ARHGEF11: variants seen among roughly 807,000 people sequenced by gnomAD.
ARHGEF11 encodes Rho guanine exchange factor (GEF) 11.
In ARHGEF11, 55 loss-of-function variants were observed where a neutral mutation model predicts 193.7. The ratio of observed to expected loss-of-function variants is 0.28; its 90% confidence interval spans 0.23 to 0.36. ARHGEF11 has a LOEUF of 0.36. Ranked by LOEUF, ARHGEF11 falls within the 10% of genes least tolerant of loss-of-function variation. ARHGEF11 has a pLI of 1.00. For missense variants in ARHGEF11, 1,723 were observed against 2,005.6 expected, an observed-to-expected ratio of 0.86 and a Z score of 2.69; for synonymous variants, 693 against 768.0, an observed-to-expected ratio of 0.90 and a Z score of 1.62.
chr1:157,000,229 C>G (rs769072800), intron 1 of ARHGEF11, among the ~76,000 whole-genome samples: 2 of 152,212 alleles, frequency 1.3e-5, no homozygotes, highest in African/African-American at 2.4e-5. Flanking sequence ...TCCCAAAGTG[C>G]TTGGATTATA....
chr1:157,033,823 G>A (rs1310658064), intron 1 of ARHGEF11, among the ~76,000 whole-genome samples: 2 of 151,874 alleles, frequency 1.3e-5, no homozygotes, highest in African/African-American at 4.8e-5. Flanking sequence ...TTTATTTTTT[G>A]GCCTCAATGT....
chr1:157,025,800 C>T (rs950618000), intron 1 of ARHGEF11, among the ~76,000 whole-genome samples: 14 of 152,082 alleles, frequency 9.2e-5, no homozygotes, highest in African/African-American at 3.4e-4. Context: ...TATGGGAACC[C>T]AGGCAGAAGG....
chr1:157,036,164 T>C (rs972228850), intron 1 of ARHGEF11, among the ~76,000 whole-genome samples: 16 of 141,298 alleles, frequency 1.1e-4, no homozygotes, highest in South Asian at 6.7e-4. Context: ...TATATGAATA[T>C]ATATATGAAT....
In ARHGEF11 at chr1:156,976,979, T is replaced by C; in HGVS notation, c.582+4A>G. ...GGCCAGTCTACCCTTGGCAGTGACC[T>C]TACCTGTAATTCTTTTTCTTCCTGC... On this transcript the variant is annotated splice_donor_region_variant and intron_variant, in intron 7 of 40. Transcript: ENST00000368194. The C allele has an allele frequency of 6.2e-7, 1 of 1,613,816 alleles. No homozygotes were observed. The highest frequency in any genetic ancestry group is 8.5e-7 in the Non-Finnish European group (1 of 1,179,706).
intron 1 of ARHGEF11, among the ~76,000 whole-genome samples, chr1:157,021,427 A>C (rs1284516093): frequency 6.6e-6 from 1 of 152,210 alleles, no homozygotes; most frequent in East Asian, 1.9e-4. Context: ...TCAAAATAAT[A>C]ACCATCAAGG....
intron 1 of ARHGEF11, among the ~76,000 whole-genome samples, chr1:157,040,620 C>G (rs1672620695): frequency 6.6e-6 from 1 of 152,174 alleles, no homozygotes; most frequent in African/African-American, 2.4e-5. Context: ...AAAAATACTC[C>G]TTCCTCCTGA....
chr1:156,945,260 C>T, intron 29 of ARHGEF11, 63 bp from the exon 30 acceptor site: 2 of 1,544,154 alleles, frequency 1.3e-6, no homozygotes, highest in Non-Finnish European at 1.8e-6. Flanking sequence ...ATGGCGCCAG[C>T]TGTTATCTGC....
chr1:157,041,788 C>T (rs1245593402), intron 1 of ARHGEF11, among the ~76,000 whole-genome samples: 1 of 152,192 alleles, frequency 6.6e-6, no homozygotes, highest in African/African-American at 2.4e-5. Context: ...GAGGGGCTTA[C>T]AGTCTGGTGT....
At chr1:157,005,179 G>A (rs954538737) in intron 1 of ARHGEF11, among the ~76,000 whole-genome samples, 1 of 152,130 alleles carries the variant, frequency 6.6e-6, no homozygotes, top group Non-Finnish European at 1.5e-5. Context: ...CTGTGTTACT[G>A]CCCGTTGCTT....
chr1:157,007,389 T>C (rs1409412), intron 1 of ARHGEF11, among the ~76,000 whole-genome samples: 148,427 of 152,118 alleles, frequency 0.98, 72,526 homozygotes, highest in Middle Eastern at 1. Context: ...CAGATCGTCT[T>C]AGGGGTTGGT....
chr1:156,946,524 G>A, intron 28 of ARHGEF11, 138 bp downstream of exon 28: 4 of 1,264,364 alleles, frequency 3.2e-6, no homozygotes, highest in Non-Finnish European at 2.2e-6. Context: ...GTGAGTCAGT[G>A]CTTTTGAGGA....
chr1:156,963,635 A>G, intron 11 of ARHGEF11, 41 bp from the exon 12 acceptor site: 6 of 1,598,774 alleles, frequency 3.8e-6, no homozygotes, highest in Non-Finnish European at 5.1e-6. Context: ...GAGGTTATAG[A>G]GGACAGAGGA....
intron 3 of ARHGEF11, 76 bp downstream of exon 3, chr1:156,984,263 G>T: frequency 1.7e-6 from 2 of 1,201,228 alleles, no homozygotes; most frequent in Non-Finnish European, 2.4e-6. Context: ...GGAAAGCACA[G>T]GTAGAATGGC....
At chr1:156,998,936 A>C (rs1666880815) in intron 1 of ARHGEF11, among the ~76,000 whole-genome samples, 1 of 152,246 alleles carries the variant, frequency 6.6e-6, no homozygotes. Flanking sequence ...AACTCCAGAC[A>C]ACATAAAGCA....
Position 156,970,040 on chromosome 1 carries a change from T to G in ARHGEF11, c.706A>C (p.Ile236Leu), listed in dbSNP as rs753314188. The G allele has an allele frequency of 1.9e-6, 3 of 1,613,960 alleles. No individual in the cohort carries two copies. The highest frequency in any genetic ancestry group is 2.5e-6 in the Non-Finnish European group (3 of 1,179,858). ...IQQETGGSVD[I>L]LPLYGDTSQR... The stretch of plus-strand genomic sequence containing the variant: ...CTGGTGTCACCATATAGTGGAAGTA[T>G]GTCCTGAAACAGAAAGGCCCACAGG... The change falls in exon 9 of 41, where the codon ATA (isoleucine) becomes CTA (leucine). Residue 236 changes from isoleucine (I) to leucine (L), a missense_variant. By Grantham distance (5) the Ile-to-Leu change is conservative (BLOSUM62 2). Around this residue, in one of 5 missense-constraint regions of ARHGEF11, gnomAD observed 646 missense variants for 710.7 expected, o/e 0.91. Transcript: ENST00000368194.
chr1:156,939,424 C>T (rs1656276901), intron 37 of ARHGEF11, 124 bp downstream of exon 37: 16 of 1,370,476 alleles, frequency 1.2e-5, no homozygotes, highest in Middle Eastern at 2.0e-4. Context: ...CTTCCAGGAC[C>T]CAGCGTAGGT....
At chr1:156,944,927 C>A in intron 30 of ARHGEF11, 92 bp downstream of exon 30, 1 of 1,487,944 alleles carries the variant, frequency 6.7e-7, no homozygotes, top group Non-Finnish European at 9.0e-7. Context: ...CTGTCTCCTA[C>A]CTCTAAGACT....
At chr1:157,004,039 T>C (rs2102704188) in intron 1 of ARHGEF11, among the ~76,000 whole-genome samples, 1 of 152,330 alleles carries the variant, frequency 6.6e-6, no homozygotes, top group East Asian at 1.9e-4. Context: ...GGGACATCCT[T>C]GTTAGAAAAG....
intron 1 of ARHGEF11, among the ~76,000 whole-genome samples, chr1:157,010,031 G>A (rs557616885): frequency 1.1e-4 from 17 of 152,202 alleles, no homozygotes; most frequent in African/African-American, 3.9e-4. Flanking sequence ...CCTAAGGTCA[G>A]CAACAAGACA....
Sources: gnomAD v4.1 joint callset for allele counts (sites outside exome capture counted in the v4.1 genomes callset) on GRCh38, gnomAD v4.1.1 for gene constraint, gnomAD v4.1.1 regional missense constraint, MANE v1.5 for transcripts, NCBI Gene and HGNC (gene_info 2026-07-23, HGNC 2026-07-21) for gene names.